The following POLR1C variants were observed in gnomAD, a reference collection of about 807,000 sequenced individuals.
POLR1C encodes the protein RNA polymerase I and III subunit C.
A neutral mutation model predicts 38.3 loss-of-function variants in POLR1C; 42 were observed. The ratio of observed to expected loss-of-function variants is 1.10; its 90% CI spans 0.86 to 1.42. The LOEUF (loss-of-function observed/expected upper bound fraction) is 1.42, where lower values mean the gene tolerates loss of function less well. Among genes scored for constraint, POLR1C ranks in the 40% most tolerant of loss-of-function variants. POLR1C has a pLI of 0.00. For missense variants in POLR1C, 507 were observed against 450.5 expected (o/e 1.13, Z -1.14); for synonymous variants, 163 against 163.9 (o/e 0.99, Z 0.04).
chr6:43,561,055 G>A (rs771493962), intron 10 of POLR1C: 3 of 1,467,406 alleles, frequency 2.0e-6, no homozygotes, highest in Non-Finnish European at 2.9e-6. Flanking sequence ...AGAAAAGCAG[G>A]AGAGGAAAAA....
At chr6:43,550,927 C>A in intron 9 of POLR1C, 1 of 159,384 alleles carries the variant, frequency 6.3e-6, no homozygotes, top group Non-Finnish European at 1.4e-5. Flanking sequence ...ATTGCAATGC[C>A]ATATAGGTAA....
At position 43,526,548 on chromosome 6, in the gene POLR1C, A is replaced by G. The variant is rs1416260391; in HGVS notation, c.923-2701A>G. On this transcript the variant is annotated intron_variant, in intron 8 of 8. Transcript: ENST00000304004. ...GGGAGTATGATGGAGGCACACAGCAAGAGGGCTGGTCCAGAGATGATAACT... is the reference window on the plus strand; with the variant it reads ...GGGAGTATGATGGAGGCACACAGCAGGAGGGCTGGTCCAGAGATGATAACT... The G allele has an allele frequency of 4.2e-6, 4 of 947,314 alleles. No individual in the cohort carries two copies. The East Asian group carries it at 1.1e-4, about 25-fold the overall frequency. 58.7% of individuals were successfully genotyped at this position (947,314 alleles called of 1,614,324 possible).
chr6:43,529,045 CTG>C, intron 8 of POLR1C: 1 of 1,129,776 alleles, frequency 8.9e-7, no homozygotes, highest in East Asian at 2.4e-5. Context: ...CAAAAATATC[CTG>C]TGTTAACAGT....
chr6:43,518,892 G>C (rs374731188), intron 2 of POLR1C, among the ~76,000 whole-genome samples: 4 of 152,178 alleles, frequency 2.6e-5, no homozygotes, highest in African/African-American at 9.7e-5. Flanking sequence ...ATGCTGGCCA[G>C]GCTGGTCTCA....
chr6:43,546,882 C>T (rs1011455093), intron 9 of POLR1C: 1 of 883,640 alleles, frequency 1.1e-6, no homozygotes, highest in Non-Finnish European at 1.7e-6. Context: ...ATCCTCTGCT[C>T]CCCGGCAATC....
chr6:43,539,576 C>T, intron 9 of POLR1C: 4 of 1,356,106 alleles, frequency 2.9e-6, no homozygotes, highest in African/African-American at 1.4e-5. Flanking sequence ...TCAGCCCCGG[C>T]CCGGTCCACG....
chr6:43,554,711 C>G (rs1761950218), intron 10 of POLR1C, among the ~76,000 whole-genome samples: 1 of 152,176 alleles, frequency 6.6e-6, no homozygotes, highest in African/African-American at 2.4e-5. Context: ...GCGTGAGCCA[C>G]CCTGCCTGGC....
chr6:43,560,907 A>C, intron 10 of POLR1C: 1 of 1,605,350 alleles, frequency 6.2e-7, no homozygotes, highest in Non-Finnish European at 8.5e-7. Flanking sequence ...TTGAGAAGTT[A>C]CCTGTATAAA....
chr6:43,540,295 C>T lies in POLR1C; in HGVS notation c.*5-10673C>T, dbSNP rs540545340. Among the ~76,000 whole-genome samples the T allele has an allele frequency of 9.2e-5, 14 of 152,196 alleles. 1 individual carries two copies. The highest frequency in any genetic ancestry group is 2.0e-4 in the Admixed American group (3 of 15,288). On this transcript the variant is annotated intron_variant, in intron 9 of 10. Coordinates refer to the POLR1C transcript ENST00000607635. The stretch of plus-strand genomic sequence containing the variant: ...GAGATCAAGATCATCCTGGCTAATA[C>T]GGTGAAACCCTGTCTCTACTAAAAT...
Position 43,521,511 on chromosome 6 carries a change from A to G in POLR1C, c.*211A>G. On this transcript the variant is annotated 3_prime_UTR_variant, in exon 9 of 9. Transcript: ENST00000642195. The stretch of plus-strand genomic sequence containing the variant: ...TGTAAATAAACTCACCCAAACAAAA[A>G]AACTTTTTGAGACTACTTTTGAGTT... 2 of 1,321,142 alleles carry G rather than the reference A, an allele frequency of 1.5e-6. No homozygotes were observed. Among genetic ancestry groups the G allele is most frequent in the South Asian group, 1.5e-5 (1 of 65,680 alleles). The allele number at this position is 1,321,142 out of a possible 1,614,324, so 81.8% of individuals were successfully genotyped here. A position where few individuals can be genotyped will look rare whatever the true frequency, so the allele number is the denominator to read the frequency against.
chr6:43,519,554 T>C, intron 3 of POLR1C, 114 bp downstream of exon 3: 2 of 1,413,366 alleles, frequency 1.4e-6, no homozygotes, highest in Non-Finnish European at 2.0e-6. Context: ...CCTGGAATTT[T>C]GCTGAGCATT....
At chr6:43,526,075 C>G, downstream of POLR1C, 1 of 690,610 alleles carries the variant, frequency 1.4e-6, no homozygotes. Context: ...CCACATAATG[C>G]CCATGCCCAT....
chr6:43,540,207 T>C (rs1461621372), intron 9 of POLR1C, among the ~76,000 whole-genome samples: 1 of 152,142 alleles, frequency 6.6e-6, no homozygotes, highest in Non-Finnish European at 1.5e-5. Flanking sequence ...CTGGCAAACA[T>C]GGTGAAACCC....
In POLR1C at chr6:43,517,290, C is replaced by G. The variant is rs1227945153; in HGVS notation, c.70-16C>G. ...CTCACTGTCCCTTCGTGGACAAATT[C>G]GTCCCTTTGCTCTAGGTCCATACTA... On this transcript the variant is annotated splice_polypyrimidine_tract_variant and intron_variant, in intron 1 of 8. Coordinates refer to ENST00000642195, the MANE Select transcript of POLR1C (RefSeq NM_203290.4). 2 of 1,612,980 alleles carry G rather than the reference C, an allele frequency of 1.2e-6. No individual in the cohort carries two copies. The highest frequency in any genetic ancestry group is 8.5e-7 in the Non-Finnish European group (1 of 1,178,926).
intron 9 of POLR1C, among the ~76,000 whole-genome samples, chr6:43,538,358 C>T (rs766067054): frequency 6.6e-6 from 1 of 151,698 alleles, no homozygotes; most frequent in Non-Finnish European, 1.5e-5. Context: ...GTCATGTTGG[C>T]CAGGTTGGTC....
downstream of POLR1C, chr6:43,521,582 T>A: frequency 1.4e-6 from 1 of 714,682 alleles, no homozygotes; most frequent in Non-Finnish European, 2.0e-6. Flanking sequence ...TGGAGTGCAG[T>A]GGTGCAATCT....
downstream of POLR1C, chr6:43,525,814 G>T (rs759424503): frequency 6.2e-7 from 1 of 1,612,834 alleles, no homozygotes; most frequent in Non-Finnish European, 8.5e-7. Flanking sequence ...AAGGAGTAAA[G>T]GTATCACCTG....
rs192222709 is a variant in POLR1C at position 43,543,969 on chromosome 6, G to A, written c.*5-6999G>A. ...TGGGATTATAGGCATGAGCTACCGC[G>A]CCCAGCCAATAAAATTTACTAAAAA... On this transcript the variant is annotated intron_variant, in intron 9 of 10. Coordinates refer to the POLR1C transcript ENST00000607635. Among the ~76,000 whole-genome samples, 10 of 152,164 alleles carry A rather than the reference G, an allele frequency of 6.6e-5. No individual in the cohort carries two copies. In the East Asian group the frequency reaches 7.7e-4, roughly 12 times the overall value.
chr6:43,546,750 C>A, intron 9 of POLR1C: 3 of 1,556,508 alleles, frequency 1.9e-6, no homozygotes, highest in Non-Finnish European at 2.6e-6. Flanking sequence ...CACAAAAGCT[C>A]ATCTATAGAA....
Sources: gnomAD v4.1 joint callset for allele counts (sites outside exome capture counted in the v4.1 genomes callset) on GRCh38, gnomAD v4.1.1 for gene constraint, MANE v1.5 for transcripts, NCBI Gene and HGNC (gene_info 2026-07-23, HGNC 2026-07-21) for gene names.